NPAS3: variants seen among roughly 807,000 people sequenced by gnomAD.
NPAS3 encodes the protein neuronal PAS domain-containing protein 3.
In NPAS3, 14 loss-of-function variants were observed where a neutral mutation model predicts 73.1. The observed-to-expected ratio is 0.19, with a 90% CI of 0.13 to 0.30. NPAS3 has a LOEUF of 0.30. Among genes scored for constraint, NPAS3 ranks in the 10% least tolerant of loss-of-function variants. NPAS3 has a pLI of 1.00. For synonymous variants in NPAS3, 620 were observed against 541.5 expected (o/e 1.14, Z -2.01); for missense variants, 1,096 against 1,250.0 (o/e 0.88, Z 1.86).
intron 3 of NPAS3, among the ~76,000 whole-genome samples, chr14:33,243,442 T>G (rs1182426711): frequency 6.6e-6 from 1 of 152,136 alleles, no homozygotes; most frequent in Non-Finnish European, 1.5e-5. Context: ...GATAAAACAT[T>G]GCTAGACCCC....
In NPAS3 at chr14:33,380,815, G is replaced by T. The variant is rs565334274; in HGVS notation, c.468+13547G>T. Among the ~76,000 whole-genome samples the T allele has an allele frequency of 5.3e-5, 8 of 152,160 alleles. No individual in the cohort carries two copies. The South Asian group carries it at 1.7e-3, about 32-fold the overall frequency. On this transcript the variant is annotated intron_variant, in intron 4 of 11. Coordinates refer to ENST00000356141, the Ensembl canonical transcript of NPAS3. The stretch of plus-strand genomic sequence containing the variant: ...AACTGCTACAGGAATTGTCAGGTCG[G>T]AGCAGCTCTTTCCCTCAATTCTAAA...
intron 2 of NPAS3, among the ~76,000 whole-genome samples, chr14:33,088,062 C>T (rs548377371): frequency 1.7e-4 from 26 of 152,258 alleles, no homozygotes; most frequent in South Asian, 1.2e-3. Context: ...CGGTGCGGTT[C>T]CAAGATCGCG....
At chr14:32,961,958 A>G (rs2036939131) in intron 1 of NPAS3, among the ~76,000 whole-genome samples, 1 of 152,214 alleles carries the variant, frequency 6.6e-6, no homozygotes, top group Non-Finnish European at 1.5e-5. Context: ...AATTAACACA[A>G]GTTAGTTATT....
At chr14:33,261,070 C>CT (rs1043098545) in intron 3 of NPAS3, among the ~76,000 whole-genome samples, 13 of 152,134 alleles carry the variant, frequency 8.5e-5, no homozygotes, top group African/African-American at 3.1e-4. Flanking sequence ...TCTCTTCCTG[C>CT]TTAGAATACC....
chr14:33,139,774 C>T (rs1462060715), intron 2 of NPAS3, among the ~76,000 whole-genome samples: 1 of 152,140 alleles, frequency 6.6e-6, no homozygotes, highest in African/African-American at 2.4e-5. Flanking sequence ...TTATTGGCCA[C>T]ATGGGGCTAG....
chr14:33,629,981 C>T (rs1396751845), intron 5 of NPAS3, among the ~76,000 whole-genome samples: 2 of 152,168 alleles, frequency 1.3e-5, no homozygotes, highest in African/African-American at 4.8e-5. Flanking sequence ...TTCTTCACAT[C>T]CACAATTTCT....
intron 1 of NPAS3, 89 bp downstream of exon 1, chr14:32,939,455 GC>G (rs1269260183): frequency 2.7e-6 from 1 of 364,750 alleles, no homozygotes; most frequent in African/African-American, 2.2e-5. Flanking sequence ...TCCGCAGCCC[GC>G]CCGCCTCCTG....
intron 1 of NPAS3, among the ~76,000 whole-genome samples, chr14:32,992,892 C>T (rs372852093): frequency 1.6e-4 from 24 of 152,102 alleles, no homozygotes; most frequent in African/African-American, 5.1e-4. Context: ...TGGTGGCTCA[C>T]GCTTGTAATC....
intron 3 of NPAS3, among the ~76,000 whole-genome samples, chr14:33,344,853 G>A (rs2140323394): frequency 6.6e-6 from 1 of 152,320 alleles, no homozygotes; most frequent in South Asian, 2.1e-4. Context: ...ATGATGCAAA[G>A]CCAGAAGGAG....
chr14:33,485,933 T>G (rs963861535), intron 4 of NPAS3, among the ~76,000 whole-genome samples: 4 of 151,216 alleles, frequency 2.6e-5, no homozygotes, highest in Non-Finnish European at 5.9e-5. Flanking sequence ...CTCTAGGGGG[T>G]CATAGTATAT....
intron 6 of NPAS3, among the ~76,000 whole-genome samples, chr14:33,699,216 CA>C (rs764379721): frequency 7.2e-5 from 11 of 152,084 alleles, no homozygotes; most frequent in Admixed American, 2.6e-4. Flanking sequence ...AAATATCAAA[CA>C]TTTAAAAGCT....
intron 4 of NPAS3, among the ~76,000 whole-genome samples, chr14:33,470,378 G>C (rs1438698967): frequency 1.3e-5 from 2 of 152,162 alleles, no homozygotes; most frequent in Non-Finnish European, 2.9e-5. Context: ...ATTTTCTTAA[G>C]CATTTAGGAC....
intron 2 of NPAS3, among the ~76,000 whole-genome samples, chr14:33,090,676 C>T (rs1379640727): frequency 6.6e-6 from 1 of 152,198 alleles, no homozygotes; most frequent in African/African-American, 2.4e-5. Context: ...ACTCTCCACT[C>T]CAAATCAACA....
chr14:33,286,568 G>A (rs573822164), intron 3 of NPAS3, among the ~76,000 whole-genome samples: 31 of 152,214 alleles, frequency 2.0e-4, no homozygotes, highest in African/African-American at 5.3e-4. Context: ...TGGGGTTACC[G>A]AATATCGGCC....
At chr14:33,164,518 ATCT>A (rs1195317094) in intron 2 of NPAS3, among the ~76,000 whole-genome samples, 2 of 152,094 alleles carry the variant, frequency 1.3e-5, no homozygotes, top group African/African-American at 2.4e-5. Flanking sequence ...ATATTTTAAA[ATCT>A]TCTTCAAATG....
chr14:33,760,846 T>C (rs2062262955), intron 7 of NPAS3, among the ~76,000 whole-genome samples: 1 of 152,168 alleles, frequency 6.6e-6, no homozygotes, highest in South Asian at 2.1e-4. Context: ...AATAGCACAA[T>C]ATGTAATATT....
chr14:33,648,134 A>G (rs1216101749), intron 5 of NPAS3, among the ~76,000 whole-genome samples: 4 of 152,202 alleles, frequency 2.6e-5, no homozygotes, highest in African/African-American at 9.6e-5. Context: ...GATCGAGACT[A>G]GCAGCCTGTG....
At chr14:32,969,338 G>C (rs951220315) in intron 1 of NPAS3, among the ~76,000 whole-genome samples, 2 of 152,116 alleles carry the variant, frequency 1.3e-5, no homozygotes, top group African/African-American at 4.8e-5. Context: ...GGTGTGGGTG[G>C]GGAGTGGGGA....
chr14:33,603,709 A>T (rs574653027), intron 5 of NPAS3, among the ~76,000 whole-genome samples: 15 of 152,338 alleles, frequency 9.8e-5, no homozygotes, highest in Non-Finnish European at 2.2e-4. Context: ...ATGACATGAT[A>T]CTGGATGTAA....
Sources: allele counts gnomAD v4.1 joint callset (sites outside exome capture counted in the v4.1 genomes callset), GRCh38; gene constraint gnomAD v4.1.1; transcripts MANE v1.5; gene names NCBI Gene and HGNC (gene_info 2026-07-23, HGNC 2026-07-21).